The following PLEKHA5 variants were observed in gnomAD, a reference collection of about 807,000 sequenced individuals.
PLEKHA5 encodes pleckstrin homology domain containing A5.
In PLEKHA5, 55 loss-of-function variants were observed where a neutral mutation model predicts 181.9. That is an observed-to-expected ratio of 0.30 (90% CI 0.24 to 0.38). PLEKHA5 has a LOEUF of 0.38. Ranked by LOEUF, PLEKHA5 falls within the 10% of genes least tolerant of loss-of-function variation. The pLI is 1.00. For synonymous variants in PLEKHA5, 535 were observed against 529.4 expected, an observed-to-expected ratio of 1.01 and a Z score of -0.15; for missense variants, 1,432 against 1,549.5, an observed-to-expected ratio of 0.92 and a Z score of 1.27.
At chr12:19,160,067 A>G (rs2042614002) in intron 3 of PLEKHA5, among the ~76,000 whole-genome samples, 1 of 152,030 alleles carries the variant, frequency 6.6e-6, no homozygotes, top group African/African-American at 2.4e-5. Context: ...TAGTTAACAT[A>G]TTGTTATTTA....
At chr12:19,283,174 T>C (rs929690423) in intron 11 of PLEKHA5, 106 bp from the exon 12 acceptor site, 2 of 371,994 alleles carry the variant, frequency 5.4e-6, no homozygotes, top group Non-Finnish European at 9.1e-6. Context: ...AAAAAAAAAA[T>C]TCTAATGTAT....
intron 21 of PLEKHA5, among the ~76,000 whole-genome samples, chr12:19,336,983 C>CTTTTTTTTT (rs1227139242): frequency 1.2e-4 from 13 of 112,664 alleles, no homozygotes; most frequent in African/African-American, 1.8e-4. Context: ...TATCTTTTAT[C>CTTTTTTTTT]TTTTTTTTTT....
intron 3 of PLEKHA5, among the ~76,000 whole-genome samples, chr12:19,180,472 A>G (rs1432438300): frequency 6.6e-6 from 1 of 152,130 alleles, no homozygotes; most frequent in Admixed American, 6.5e-5. Context: ...GGTTGAATCC[A>G]GGAAGTTCTA....
Position 19,217,505 on chromosome 12 carries a change from T to C in PLEKHA5, c.228-36435T>C, listed in dbSNP as rs35261473. 2.7e-3 allele frequency among the ~76,000 whole-genome samples: 412 copies of C among 152,268 alleles called. 1 individual carries two copies. Among genetic ancestry groups the C allele is most frequent in the Non-Finnish European group, 4.4e-3 (297 of 68,028 alleles). The stretch of plus-strand genomic sequence containing the variant: ...CTTTTGTTGCTGTCACTATGCCAAT[T>C]GTGGGATAAGGTAGGGATGCAAATC... On this transcript the variant is annotated intron_variant, in intron 3 of 31. Coordinates refer to ENST00000429027, the MANE Select transcript of PLEKHA5 (RefSeq NM_001256470.2).
intron 3 of PLEKHA5, among the ~76,000 whole-genome samples, chr12:19,136,239 T>C (rs777499799): frequency 3.3e-5 from 5 of 152,224 alleles, no homozygotes; most frequent in East Asian, 1.9e-4. Flanking sequence ...AATTTTTCTA[T>C]GTGCCCTAAG....
chr12:19,315,450 A>G (rs1335084387), intron 16 of PLEKHA5, among the ~76,000 whole-genome samples: 3 of 152,176 alleles, frequency 2.0e-5, no homozygotes, highest in Non-Finnish European at 4.4e-5. Context: ...GCAGTCGTCA[A>G]GACTATCATA....
chr12:19,196,743 GC>G (rs1158943499), intron 3 of PLEKHA5, among the ~76,000 whole-genome samples: 1 of 151,174 alleles, frequency 6.6e-6, no homozygotes, highest in East Asian at 1.9e-4. Context: ...AATGGTGGCT[GC>G]TATCGTGTTG....
intron 5 of PLEKHA5, among the ~76,000 whole-genome samples, chr12:19,256,182 C>T (rs2066833752): frequency 6.6e-6 from 1 of 152,116 alleles, no homozygotes; most frequent in South Asian, 2.1e-4. Flanking sequence ...TTCTCAGCCT[C>T]ATCCATAATA....
chr12:19,284,038 C>T (rs190287493), intron 12 of PLEKHA5, among the ~76,000 whole-genome samples: 1 of 152,086 alleles, frequency 6.6e-6, no homozygotes, highest in East Asian at 1.9e-4. Flanking sequence ...TGTAGCTTAA[C>T]ACCACATGCA....
At chr12:19,200,985 A>C (rs969867010) in intron 3 of PLEKHA5, 3 of 152,132 alleles carry the variant, frequency 2.0e-5, no homozygotes, top group Non-Finnish European at 4.4e-5. Context: ...ACAAAAGAAA[A>C]AATTGATAAA....
intron 3 of PLEKHA5, chr12:19,154,178 T>C (rs2041125804): frequency 6.6e-6 from 1 of 152,192 alleles, no homozygotes; most frequent in Non-Finnish European, 1.5e-5. Flanking sequence ...TTTTGATATA[T>C]AAACTTTCTT....
intron 21 of PLEKHA5, among the ~76,000 whole-genome samples, chr12:19,338,685 T>C (rs1213448433): frequency 2.0e-5 from 3 of 151,418 alleles, no homozygotes; most frequent in African/African-American, 7.3e-5. Flanking sequence ...AATGGCCACA[T>C]GTGGCTGGGA....
At chr12:19,358,586 A>G in intron 27 of PLEKHA5, 149 bp downstream of exon 27, 2 of 607,386 alleles carry the variant, frequency 3.3e-6, no homozygotes, top group Non-Finnish European at 5.7e-6. Context: ...AAGCTAAGAC[A>G]GCTAAGTAAA....
intron 3 of PLEKHA5, among the ~76,000 whole-genome samples, chr12:19,252,969 A>G (rs2065748465): frequency 6.6e-6 from 1 of 150,850 alleles, no homozygotes; most frequent in Admixed American, 6.6e-5. Context: ...AGACACTCAT[A>G]CTTACTTTTC....
chr12:19,323,501 C>G (rs190447995), intron 20 of PLEKHA5, among the ~76,000 whole-genome samples: 2 of 150,846 alleles, frequency 1.3e-5, no homozygotes, highest in Admixed American at 6.6e-5. Flanking sequence ...GAAACTCTGT[C>G]TCAATCAATC....
intron 15 of PLEKHA5, chr12:19,307,284 C>A: frequency 4.9e-6 from 2 of 405,576 alleles, no homozygotes; most frequent in South Asian, 2.5e-5. Context: ...ACCAACCTGA[C>A]CAACATGGTG....
At chr12:19,301,658 A>G (rs1034655079) in intron 15 of PLEKHA5, among the ~76,000 whole-genome samples, 5 of 152,246 alleles carry the variant, frequency 3.3e-5, no homozygotes, top group African/African-American at 9.6e-5. Context: ...GTCTAGCTAT[A>G]TCTTTAAAAA....
At position 19,162,584 on chromosome 12, in the gene PLEKHA5, A is replaced by G. The variant is rs532813659; in HGVS notation, c.227+30134A>G. 5.4e-3 allele frequency among the ~76,000 whole-genome samples: 823 copies of G among 152,242 alleles called. 6 individuals are homozygous for G. Among genetic ancestry groups the G allele is most frequent in the Non-Finnish European group, 8.8e-3 (596 of 68,006 alleles). ...AAGTAAGTTAGCTTTAAAAAAAAAAAAAAGAGTTGGGGGCAGAGAGCCTGT... is the reference window on the plus strand; with the variant it reads ...AAGTAAGTTAGCTTTAAAAAAAAAAGAAAGAGTTGGGGGCAGAGAGCCTGT... On this transcript the variant is annotated intron_variant, in intron 3 of 31. Coordinates refer to ENST00000429027, the MANE Select transcript of PLEKHA5 (RefSeq NM_001256470.2).
intron 23 of PLEKHA5, among the ~76,000 whole-genome samples, chr12:19,346,465 C>T (rs905175751): frequency 1.3e-5 from 2 of 151,672 alleles, no homozygotes; most frequent in Admixed American, 6.6e-5. Flanking sequence ...CATAGCAAGA[C>T]CCCCATCTCT....
Sources: allele counts gnomAD v4.1 joint callset (sites outside exome capture counted in the v4.1 genomes callset), GRCh38; gene constraint gnomAD v4.1.1; transcripts MANE v1.5; gene names NCBI Gene and HGNC (gene_info 2026-07-23, HGNC 2026-07-21).